The following ZNF609 variants were observed in gnomAD, a reference collection of about 807,000 sequenced individuals.
ZNF609 encodes the protein zinc finger protein 609.
Under a neutral mutation model 109.5 loss-of-function variants are expected in ZNF609, and 11 were observed. That is an observed-to-expected ratio of 0.10 (90% confidence interval 0.06 to 0.17). ZNF609 has a LOEUF of 0.17. Among genes scored for constraint, ZNF609 ranks in the 10% least tolerant of loss-of-function variants. The pLI is 1.00. For synonymous variants in ZNF609, 646 were observed against 662.0 expected (o/e 0.98, Z 0.37); for missense variants, 1,559 against 1,772.4 (o/e 0.88, Z 2.16).
At chr15:64,657,885 C>T (rs1896513831) in intron 3 of ZNF609, among the ~76,000 whole-genome samples, 1 of 151,718 alleles carries the variant, frequency 6.6e-6, no homozygotes, top group African/African-American at 2.4e-5. Context: ...TTTTTTAGCC[C>T]TTGATCCCTC....
chr15:64,666,293 C>T (rs931840780), intron 3 of ZNF609, among the ~76,000 whole-genome samples: 1 of 151,916 alleles, frequency 6.6e-6, no homozygotes, highest in African/African-American at 2.4e-5. Context: ...ACTTGGGAGG[C>T]TGAGGCACAA....
At chr15:64,596,605 A>G (rs940986978) in intron 2 of ZNF609, among the ~76,000 whole-genome samples, 2 of 152,128 alleles carry the variant, frequency 1.3e-5, no homozygotes, top group Admixed American at 1.3e-4. Context: ...TACCCAAGGT[A>G]GCTCCCTTCT....
At chr15:64,579,089 A>G (rs1260806964) in intron 2 of ZNF609, among the ~76,000 whole-genome samples, 5 of 152,056 alleles carry the variant, frequency 3.3e-5, no homozygotes, top group African/African-American at 7.2e-5. Flanking sequence ...AAAGATTTGC[A>G]TCTACATTTT....
intron 3 of ZNF609, among the ~76,000 whole-genome samples, chr15:64,647,136 CA>C (rs35996097): frequency 2.9e-3 from 348 of 119,688 alleles, no homozygotes; most frequent in African/African-American, 5.5e-3. Flanking sequence ...ACCCTGTCTC[CA>C]AAAAAAAAAA....
intron 2 of ZNF609, among the ~76,000 whole-genome samples, chr15:64,508,760 C>T (rs1893672157): frequency 6.7e-6 from 1 of 149,924 alleles, no homozygotes; most frequent in Non-Finnish European, 1.5e-5. Flanking sequence ...ACAATCAAGG[C>T]TCACTGCAGC....
At chr15:64,494,280 C>G (rs1893452143) in intron 1 of ZNF609, among the ~76,000 whole-genome samples, 1 of 152,136 alleles carries the variant, frequency 6.6e-6, no homozygotes, top group Admixed American at 6.5e-5. Context: ...TTAGGCATGT[C>G]TAGACTAACC....
chr15:64,480,247 A>T (rs1199393257), intron 1 of ZNF609, among the ~76,000 whole-genome samples: 1 of 148,448 alleles, frequency 6.7e-6, no homozygotes, highest in African/African-American at 2.5e-5. Flanking sequence ...TCCAAAAAAA[A>T]GGTGTGCTGG....
At chr15:64,567,778 C>T (rs952014021) in intron 2 of ZNF609, among the ~76,000 whole-genome samples, 1 of 152,076 alleles carries the variant, frequency 6.6e-6, no homozygotes, top group Admixed American at 6.5e-5. Context: ...TCTCCTGCCT[C>T]AGCCTCCTGA....
At chr15:64,474,039 C>T (rs1021760934) in intron 1 of ZNF609, among the ~76,000 whole-genome samples, 5 of 152,114 alleles carry the variant, frequency 3.3e-5, no homozygotes, top group African/African-American at 7.2e-5. Context: ...TCCCAAAGTG[C>T]GGAGATTACA....
At chr15:64,647,125 G>A (rs1896347851) in intron 3 of ZNF609, among the ~76,000 whole-genome samples, 1 of 147,130 alleles carries the variant, frequency 6.8e-6, no homozygotes, top group Non-Finnish European at 1.5e-5. Flanking sequence ...GACAGAGTGA[G>A]ACCCTGTCTC....
chr15:64,583,129 G>A (rs1478833484), intron 2 of ZNF609, among the ~76,000 whole-genome samples: 1 of 148,256 alleles, frequency 6.7e-6, no homozygotes, highest in Non-Finnish European at 1.5e-5. Flanking sequence ...TGCCTCCCGG[G>A]TTCAAGTAAT....
At chr15:64,545,931 C>G (rs531936560) in intron 2 of ZNF609, among the ~76,000 whole-genome samples, 11 of 152,262 alleles carry the variant, frequency 7.2e-5, no homozygotes, top group African/African-American at 2.6e-4. Context: ...TCATTTCCAA[C>G]TTCTGGCTAT....
chr15:64,626,178 A>C (rs1895960083), intron 3 of ZNF609, among the ~76,000 whole-genome samples: 1 of 151,756 alleles, frequency 6.6e-6, no homozygotes, highest in Non-Finnish European at 1.5e-5. Context: ...TCTTTATTTT[A>C]TTCTCTTTTT....
intron 2 of ZNF609, among the ~76,000 whole-genome samples, chr15:64,555,835 C>T (rs1433143143): frequency 6.7e-5 from 9 of 135,058 alleles, no homozygotes; most frequent in African/African-American, 1.7e-4. Context: ...TGCAGTGAGC[C>T]GAGATTGGGC....
intron 8 of ZNF609, 127 bp downstream of exon 8, chr15:64,680,989 T>TC: frequency 9.3e-7 from 1 of 1,075,488 alleles, no homozygotes; most frequent in Non-Finnish European, 1.3e-6. Flanking sequence ...TAATTTTTTT[T>TC]TTTTGAGCTT....
chr15:64,675,478 C>T lies in ZNF609; in HGVS notation c.2624C>T (p.Ala875Val), dbSNP rs1595761012. 1.2e-6 allele frequency: 2 copies of T among 1,614,130 alleles called. No homozygotes were observed. The highest frequency in any genetic ancestry group is 4.5e-5 in the East Asian group (2 of 44,880). Residue 875 changes from alanine to valine, a missense_variant, in exon 5 of 10, where the codon GCT becomes GTT. Ala to Val is a moderately conservative substitution (Grantham distance 64). Coordinates refer to ENST00000326648, the MANE Select transcript of ZNF609 (RefSeq NM_015042.2). ...GCCGAACAGTTGGTTAAAGAAGGGG[C>T]TAAGAAAACTCTTTTTCCCCCTCAG... ...KDAEQLVKEG[A>V]KKTLFPPQPQ...
intron 2 of ZNF609, among the ~76,000 whole-genome samples, chr15:64,609,072 CTT>C (rs1259174395): frequency 3.2e-5 from 1 of 31,012 alleles, no homozygotes; most frequent in African/African-American, 8.0e-5. Flanking sequence ...ATTTTTCTTT[CTT>C]TCTTTCTTTC....
intron 3 of ZNF609, among the ~76,000 whole-genome samples, chr15:64,658,144 G>C (rs79770106): frequency 0.031 from 4,789 of 152,206 alleles, 115 homozygotes; most frequent in South Asian, 0.081. Context: ...TGCCTTATGT[G>C]TAGCAGTTCT....
At chr15:64,573,935 G>C (rs1894904770) in intron 2 of ZNF609, among the ~76,000 whole-genome samples, 1 of 152,088 alleles carries the variant, frequency 6.6e-6, no homozygotes, top group South Asian at 2.1e-4. Context: ...GAATGAAGGG[G>C]AAAATGAGGC....
Sources: gnomAD v4.1 joint callset for allele counts (sites outside exome capture counted in the v4.1 genomes callset) on GRCh38, gnomAD v4.1.1 for gene constraint, MANE v1.5 for transcripts, NCBI Gene and HGNC (gene_info 2026-07-23, HGNC 2026-07-21) for gene names.